ZC3H18: variants seen among roughly 807,000 people sequenced by gnomAD.
ZC3H18 encodes the protein zinc finger CCCH-type containing 18, also known as zinc finger CCCH domain-containing protein 18.
ZC3H18 carries 8 observed loss-of-function variants against 106.1 expected under a neutral mutation model. That is an observed-to-expected ratio of 0.08 (90% CI 0.04 to 0.14). ZC3H18 has a LOEUF of 0.14. Among genes scored for constraint, ZC3H18 ranks in the 10% least tolerant of loss-of-function variants. The pLI is 1.00. For synonymous variants in ZC3H18, 635 were observed against 522.1 expected, an observed-to-expected ratio of 1.22 and a Z score of -2.95; for missense variants, 1,318 against 1,278.4, an observed-to-expected ratio of 1.03 and a Z score of -0.47.
intron 17 of ZC3H18, among the ~76,000 whole-genome samples, 174 bp downstream of exon 17, chr16:88,630,755 C>A (rs376685135): frequency 2.2e-4 from 19 of 88,042 alleles, no homozygotes; most frequent in African/African-American, 6.8e-4. Context: ...CCCCACCCCC[C>A]ACCCCCCCCC....
intron 1 of ZC3H18, among the ~76,000 whole-genome samples, chr16:88,572,133 C>T (rs1023558628): frequency 2.0e-5 from 3 of 152,200 alleles, no homozygotes; most frequent in Non-Finnish European, 1.5e-5. Context: ...AAGTGACTAG[C>T]TTGAGAGGAG....
At chr16:88,589,206 C>T (rs1003428940) in intron 3 of ZC3H18, among the ~76,000 whole-genome samples, 3 of 152,108 alleles carry the variant, frequency 2.0e-5, no homozygotes, top group African/African-American at 7.2e-5. Flanking sequence ...ATGTTGGAGC[C>T]CTCATTCACT....
chr16:88,630,744 GC>G (rs1166450569), intron 17 of ZC3H18, among the ~76,000 whole-genome samples, 163 bp downstream of exon 17: 12 of 76,440 alleles, frequency 1.6e-4, no homozygotes, highest in Non-Finnish European at 2.4e-4. Flanking sequence ...GCGAATTGCA[GC>G]CCCACCCCCC....
chr16:88,608,907 G>A (rs1905140616), intron 6 of ZC3H18, 27 bp from the exon 7 acceptor site: 1 of 1,578,240 alleles, frequency 6.3e-7, no homozygotes, highest in Middle Eastern at 1.7e-4. Flanking sequence ...TAAGTGATGA[G>A]AGTTCTTTTT....
At chr16:88,586,780 A>G in intron 3 of ZC3H18, 96 bp downstream of exon 3, 1 of 942,114 alleles carries the variant, frequency 1.1e-6, no homozygotes, top group Non-Finnish European at 1.7e-6. Context: ...TGCTCTGCTC[A>G]AGGCAGTTCT....
At chr16:88,585,962 A>T (rs191975767) in intron 2 of ZC3H18, among the ~76,000 whole-genome samples, 4 of 152,118 alleles carry the variant, frequency 2.6e-5, no homozygotes, top group Non-Finnish European at 4.4e-5. Context: ...GAGGGGTCTC[A>T]GCTGCACGTC....
rs140465605 is a variant in ZC3H18, at chr16:88,577,330, G to A, written c.207G>A (p.Glu69=). Residue 69 remains glutamate (E), a synonymous_variant, in exon 2 of 18, where the codon GAG becomes GAA. Transcript: ENST00000301011. ...SQEEEDNHSD[E]EDRASEPKSQ... ...AGGAGGAAGATAATCACTCCGACGAGGAGGACCGGGCAAGTGAGCCTAAAT... is the reference window on the plus strand; with the variant it reads ...AGGAGGAAGATAATCACTCCGACGAAGAGGACCGGGCAAGTGAGCCTAAAT... 6.2e-7 allele frequency: 1 copy of A among 1,608,970 alleles called. No homozygotes were observed. The highest frequency in any genetic ancestry group is 2.2e-5 in the East Asian group (1 of 44,836).
At chr16:88,580,131 CCT>C (rs772734204) in intron 2 of ZC3H18, among the ~76,000 whole-genome samples, 7 of 148,184 alleles carry the variant, frequency 4.7e-5, no homozygotes. Context: ...GTTGCCTCTG[CCT>C]CTCTGTCGTG....
intron 6 of ZC3H18, among the ~76,000 whole-genome samples, chr16:88,604,517 T>A (rs1051416110): frequency 6.6e-6 from 1 of 151,856 alleles, no homozygotes; most frequent in African/African-American, 2.4e-5. Flanking sequence ...AAACCCCATC[T>A]CTACTAAAAA....
intron 8 of ZC3H18, 56 bp from the exon 9 acceptor site, chr16:88,622,141 G>C: frequency 6.5e-7 from 1 of 1,549,176 alleles, no homozygotes; most frequent in South Asian, 1.2e-5. Context: ...GTCACACCTG[G>C]CATTGCTGTG....
In ZC3H18 at chr16:88,631,459, A is replaced by G. The variant is rs1441944480; in HGVS notation, c.*160A>G. 7 of 986,440 alleles carry G rather than the reference A, an allele frequency of 7.1e-6. No individual in the cohort carries two copies. In the East Asian group the frequency reaches 1.8e-4, roughly 26 times the overall value. 61.1% of individuals were successfully genotyped at this position (986,440 alleles called of 1,614,324 possible). A position where few individuals can be genotyped will look rare whatever the true frequency, so the allele number is the denominator to read the frequency against. ...AAAAGAAGCCACACAGGAAATGACA[A>G]CGACGCTGAATCCCAGCCTCCCTCC... On this transcript the variant is annotated 3_prime_UTR_variant, in exon 18 of 18. Coordinates refer to ENST00000301011, the MANE Select transcript of ZC3H18 (RefSeq NM_144604.4).
In ZC3H18 at chr16:88,627,330, G is replaced by A. The variant is rs1597361569; in HGVS notation, c.2109-292G>A. 3.3e-6 allele frequency: 1 copy of A among 299,372 alleles called. No individual in the cohort carries two copies. Among genetic ancestry groups the A allele is most frequent in the Non-Finnish European group, 6.2e-6 (1 of 160,436 alleles). The allele number at this position is 299,372 out of a possible 1,614,324, so 18.5% of individuals were successfully genotyped here. A position where few individuals can be genotyped will look rare whatever the true frequency, so the allele number is the denominator to read the frequency against. ...GTTCAGCTGGGTCTCAGACCCCATTGCTCGTGACGAGATCTGCCCATCTCA... is the reference window on the plus strand; with the variant it reads ...GTTCAGCTGGGTCTCAGACCCCATTACTCGTGACGAGATCTGCCCATCTCA... On this transcript the variant is annotated intron_variant, in intron 13 of 17. Coordinates refer to ENST00000301011, the MANE Select transcript of ZC3H18 (RefSeq NM_144604.4). The surrounding 1 kb of genome is among the most constrained non-coding windows in gnomAD (Gnocchi z 4.5).
intron 2 of ZC3H18, among the ~76,000 whole-genome samples, chr16:88,581,388 A>G (rs1303762144): frequency 6.6e-6 from 1 of 152,162 alleles, no homozygotes; most frequent in Non-Finnish European, 1.5e-5. Context: ...TATGGGGTAC[A>G]CTTTCCTTGA....
chr16:88,571,891 G>C (rs956249581), intron 1 of ZC3H18, among the ~76,000 whole-genome samples: 1 of 152,194 alleles, frequency 6.6e-6, no homozygotes, highest in Non-Finnish European at 1.5e-5. Flanking sequence ...CAGAACTTAG[G>C]CATTCAAATA....
intron 3 of ZC3H18, among the ~76,000 whole-genome samples, chr16:88,593,122 C>T (rs886424186): frequency 2.0e-5 from 3 of 152,206 alleles, no homozygotes; most frequent in African/African-American, 7.2e-5. Context: ...CTTTACTGCA[C>T]TCAGCCACTC....
intron 10 of ZC3H18, 30 bp downstream of exon 10, chr16:88,623,374 C>T (rs1257348035): frequency 1.9e-6 from 3 of 1,607,814 alleles, no homozygotes; most frequent in Admixed American, 3.4e-5. Context: ...GAAGGGCCCT[C>T]AGCAGGTGCA....
At chr16:88,602,198 G>A (rs565391500) in intron 6 of ZC3H18, among the ~76,000 whole-genome samples, 101 of 152,344 alleles carry the variant, frequency 6.6e-4, no homozygotes, top group Non-Finnish European at 1.1e-3. Context: ...AAAGCAGGTC[G>A]CAGCTTGTAG....
intron 17 of ZC3H18, among the ~76,000 whole-genome samples, 168 bp downstream of exon 17, chr16:88,630,749 A>T (rs796296042): frequency 5.8e-4 from 25 of 43,158 alleles, no homozygotes; most frequent in East Asian, 1.2e-3. Flanking sequence ...TTGCAGCCCC[A>T]CCCCCCACCC....
At chr16:88,618,637 C>T (rs1316809829) in intron 8 of ZC3H18, among the ~76,000 whole-genome samples, 1 of 152,178 alleles carries the variant, frequency 6.6e-6, no homozygotes, top group African/African-American at 2.4e-5. Context: ...GTTTTGTCTG[C>T]CTCTGGCATG....
Sources: gnomAD v4.1 joint callset for allele counts (sites outside exome capture counted in the v4.1 genomes callset) on GRCh38, gnomAD v4.1.1 for gene constraint, Gnocchi (gnomAD v3.1) non-coding constraint, MANE v1.5 for transcripts, NCBI Gene and HGNC (gene_info 2026-07-23, HGNC 2026-07-21) for gene names.